The following PTPRZ1 variants were observed in gnomAD, a reference collection of about 807,000 sequenced individuals.
The protein encoded by PTPRZ1 is protein tyrosine phosphatase receptor type Z1, also known as receptor-type tyrosine-protein phosphatase zeta.
A neutral mutation model predicts 214.1 loss-of-function variants in PTPRZ1; 82 were observed. The ratio of observed to expected loss-of-function variants is 0.38; its 90% CI spans 0.32 to 0.46. The LOEUF is 0.46. Ranked by LOEUF, PTPRZ1 falls within the 20% of genes least tolerant of loss-of-function variation. The probability of loss-of-function intolerance (pLI) is 1.00; values close to 1 mark genes in which losing one functional copy is unlikely to be tolerated. For synonymous variants in PTPRZ1, 945 were observed against 987.9 expected (o/e 0.96, Z 0.81); for missense variants, 2,603 against 2,748.7 (o/e 0.95, Z 1.19).
chr7:122,030,632 T>C (rs1177200128), intron 14 of PTPRZ1, among the ~76,000 whole-genome samples: 2 of 152,036 alleles, frequency 1.3e-5, no homozygotes, highest in Non-Finnish European at 2.9e-5. Flanking sequence ...ACTGAAGCTT[T>C]AAAATATTAG....
chr7:121,920,950 C>G (rs1313324063), intron 1 of PTPRZ1, among the ~76,000 whole-genome samples: 3 of 151,872 alleles, frequency 2.0e-5, no homozygotes, highest in Admixed American at 1.3e-4. Context: ...AAGTAAAGTC[C>G]AAATTTATTA....
At chr7:122,049,397 C>A (rs1331524129) in intron 23 of PTPRZ1, among the ~76,000 whole-genome samples, 1 of 151,700 alleles carries the variant, frequency 6.6e-6, no homozygotes, top group Non-Finnish European at 1.5e-5. Flanking sequence ...TAACTACCTG[C>A]AAAGAATATC....
intron 2 of PTPRZ1, among the ~76,000 whole-genome samples, chr7:121,946,871 C>G (rs151158059): frequency 6.6e-6 from 1 of 152,200 alleles, no homozygotes; most frequent in East Asian, 1.9e-4. Context: ...CAGACAAACT[C>G]AAATTGAGGG....
In PTPRZ1 at chr7:121,890,611, G is replaced by A. The variant is rs147803172; in HGVS notation, c.58+17054G>A. On this transcript the variant is annotated intron_variant, in intron 1 of 29. Transcript: ENST00000393386. ...AAGCCAAAATCTCTACTCATGAAGT[G>A]TCCATCAAGCCCCAAATGCTCTGGC... Among the ~76,000 whole-genome samples, 10 of 152,196 alleles carry A rather than the reference G, an allele frequency of 6.6e-5. No individual in the cohort carries two copies. In the East Asian group the frequency reaches 1.7e-3, roughly 27 times the overall value.
chr7:122,020,449 AC>A (rs775586406), intron 13 of PTPRZ1, among the ~76,000 whole-genome samples: 3 of 152,146 alleles, frequency 2.0e-5, no homozygotes, highest in Non-Finnish European at 4.4e-5. Flanking sequence ...AAAATGTAGG[AC>A]TCAAGCTCTG....
Position 121,968,125 on chromosome 7 carries a change from A to G in PTPRZ1, c.299A>G (p.Lys100Arg), listed in dbSNP as rs769379087. 8 of 1,592,994 alleles carry G rather than the reference A, an allele frequency of 5.0e-6. No homozygotes were observed. In the Admixed American group the frequency reaches 1.5e-4, roughly 29 times the overall value. The change falls in exon 3 of 30, where the codon AAA becomes AGA. Residue 100 changes from lysine (K) to arginine (R), a missense_variant. Lys to Arg is a conservative substitution (Grantham distance 26, BLOSUM62 2). Around this residue, in one of 6 missense-constraint regions of PTPRZ1, gnomAD observed 141 missense variants for 143.7 expected, o/e 0.98. Coordinates refer to ENST00000393386, the MANE Select transcript of PTPRZ1 (RefSeq NM_002851.3). The stretch of plus-strand genomic sequence containing the variant: ...AACACATTCATTCATAACACTGGGA[A>G]AACAGGTAAAATATTTGCATTCTGT... ...LENTFIHNTG[K>R]TVEINLTNDY... is the part of the protein sequence containing the mutation.
rs745892982 is a variant in PTPRZ1, at chr7:122,031,477, A to G, written c.5084A>G (p.Asp1695Gly). ...CACAATTTTTTTATTCACGTAGATGATGTCGGAGCAATTCCAATAAAGCAC... is the reference window on the plus strand; with the variant it reads ...CACAATTTTTTTATTCACGTAGATGGTGTCGGAGCAATTCCAATAAAGCAC... ...PPTPIFPISD[D>G]VGAIPIKHFP... The change falls in exon 15 of 30, where the codon GAT (aspartate) becomes GGT (glycine). Residue 1695 changes from aspartate to glycine, a missense_variant. Around this residue, in one of 6 missense-constraint regions of PTPRZ1, gnomAD observed 1,913 missense variants for 1,914.3 expected, o/e 1.00. Coordinates refer to ENST00000393386, the MANE Select transcript of PTPRZ1 (RefSeq NM_002851.3). 3.1e-6 allele frequency: 5 copies of G among 1,609,718 alleles called. No homozygotes were observed. The highest frequency in any genetic ancestry group is 1.7e-4 in the Middle Eastern group (1 of 6,038).
rs193267171 is a variant in PTPRZ1, at chr7:122,012,430, A to T, written c.3384A>T (p.Thr1128=). 5.0e-6 allele frequency: 8 copies of T among 1,613,840 alleles called. No individual in the cohort carries two copies. The African/African-American group carries it at 9.3e-5, about 19-fold the overall frequency. Residue 1128 remains threonine, a synonymous_variant, in exon 12 of 30, where the codon ACA becomes ACT. Transcript: ENST00000393386. Reference sequence around the variant, plus strand: ...AAAATAACTTTTCAGTTCAACCTACACATACTGTCTCTCAAGCATCTGGTG... The same window carrying T: ...AAAATAACTTTTCAGTTCAACCTACTCATACTGTCTCTCAAGCATCTGGTG... ...VPENNFSVQP[T]HTVSQASGDT...
chr7:121,883,162 T>C (rs1029665961), intron 1 of PTPRZ1, among the ~76,000 whole-genome samples: 1 of 152,194 alleles, frequency 6.6e-6, no homozygotes, highest in African/African-American at 2.4e-5. Flanking sequence ...AAGGCAGTAA[T>C]TGACTCTAGA....
At chr7:121,922,770 A>G (rs1795638266) in intron 1 of PTPRZ1, among the ~76,000 whole-genome samples, 1 of 152,192 alleles carries the variant, frequency 6.6e-6, no homozygotes. Context: ...TGATGACAGT[A>G]TACTATCTCC....
intron 23 of PTPRZ1, among the ~76,000 whole-genome samples, chr7:122,049,693 A>G (rs541585518): frequency 2.0e-5 from 3 of 152,292 alleles, no homozygotes; most frequent in African/African-American, 7.2e-5. Context: ...TGGAAATATT[A>G]AGATATTGCT....
rs543660968 is a variant in PTPRZ1 at position 122,051,932 on chromosome 7, A to G, written c.6245A>G (p.Tyr2082Cys). The G allele has an allele frequency of 1.2e-5, 19 of 1,604,192 alleles. No homozygotes were observed. The South Asian group carries it at 2.0e-4, about 17-fold the overall frequency. Reference sequence around the variant, plus strand: ...GGCACAGACTACATCAATGCCTCCTATATCATGGTAAGTCAGAGAAGTCAC... The same window carrying G: ...GGCACAGACTACATCAATGCCTCCTGTATCATGGTAAGTCAGAGAAGTCAC... ...GEGTDYINAS[Y>C]IMGYYQSNEF... The change falls in exon 25 of 30, where the codon TAT (tyrosine) becomes TGT (cysteine). Residue 2082 changes from tyrosine (Y) to cysteine (C), a missense_variant. By Grantham distance (194) the Tyr-to-Cys change is radical (BLOSUM62 -2). This residue lies in a region of PTPRZ1 where 134 missense variants were observed against 183.3 expected (regional missense o/e 0.73). Coordinates refer to ENST00000393386, the MANE Select transcript of PTPRZ1 (RefSeq NM_002851.3).
chr7:121,942,033 A>G (rs192694924), intron 2 of PTPRZ1, among the ~76,000 whole-genome samples: 2 of 152,186 alleles, frequency 1.3e-5, no homozygotes, highest in Non-Finnish European at 2.9e-5. Flanking sequence ...ATCTGGGATC[A>G]TTATCCAAGC....
intron 2 of PTPRZ1, among the ~76,000 whole-genome samples, chr7:121,939,981 C>CA (rs1474328134): frequency 6.6e-6 from 1 of 152,030 alleles, no homozygotes; most frequent in Non-Finnish European, 1.5e-5. Context: ...TTGTGCCAGG[C>CA]AAAGGGAGCA....
At chr7:122,053,877 A>C (rs2150491293) in intron 25 of PTPRZ1, 33 bp from the exon 26 acceptor site, 2 of 1,609,934 alleles carry the variant, frequency 1.2e-6, no homozygotes, top group Non-Finnish European at 1.7e-6. Context: ...GGCATACGCC[A>C]GTGCTGTTTT....
intron 1 of PTPRZ1, among the ~76,000 whole-genome samples, chr7:121,876,090 A>G (rs551345157): frequency 1.3e-5 from 2 of 152,370 alleles, no homozygotes; most frequent in Non-Finnish European, 2.9e-5. Context: ...TAGTGATCAG[A>G]TCAGATCATT....
At chr7:121,987,245 C>T (rs1324868067) in intron 8 of PTPRZ1, among the ~76,000 whole-genome samples, 1 of 123,974 alleles carries the variant, frequency 8.1e-6, no homozygotes, top group Non-Finnish European at 1.7e-5. Flanking sequence ...GGTCAGTTCC[C>T]CTCACAGAGT....
chr7:121,954,187 C>T (rs1053632877), intron 2 of PTPRZ1, among the ~76,000 whole-genome samples: 1 of 152,150 alleles, frequency 6.6e-6, no homozygotes, highest in Admixed American at 6.5e-5. Flanking sequence ...TCAGTTTTGT[C>T]TTCCTTAACT....
At chr7:122,004,512 T>A in intron 10 of PTPRZ1, 102 bp from the exon 11 acceptor site, 1 of 661,836 alleles carries the variant, frequency 1.5e-6, no homozygotes, top group Non-Finnish European at 2.6e-6. Context: ...TGACATTAAC[T>A]TTTTTATTCT....
Sources: gnomAD v4.1 joint callset for allele counts (sites outside exome capture counted in the v4.1 genomes callset) on GRCh38, gnomAD v4.1.1 for gene constraint, gnomAD v4.1.1 regional missense constraint, MANE v1.5 for transcripts, NCBI Gene and HGNC (gene_info 2026-07-23, HGNC 2026-07-21) for gene names.